PPP1R9A: variants seen among roughly 807,000 people sequenced by gnomAD.
PPP1R9A encodes protein phosphatase 1 regulatory subunit 9A.
In PPP1R9A, 59 loss-of-function variants were observed where a neutral mutation model predicts 141.9. That is an observed-to-expected ratio of 0.42 (90% confidence interval 0.34 to 0.52). The LOEUF is 0.52. Among genes scored for constraint, PPP1R9A ranks in the 20% least tolerant of loss-of-function variants. The pLI is 0.10. For missense variants in PPP1R9A, 1,444 were observed against 1,611.9 expected, an observed-to-expected ratio of 0.90 and a Z score of 1.78; for synonymous variants, 500 against 569.7, an observed-to-expected ratio of 0.88 and a Z score of 1.74.
In PPP1R9A at chr7:94,924,060, G is replaced by A. The variant is rs550847177; in HGVS notation, c.1395+12552G>A. Among the ~76,000 whole-genome samples, 292 of 152,030 alleles carry A rather than the reference G, an allele frequency of 1.9e-3. 2 individuals are homozygous for A. Among genetic ancestry groups the A allele is most frequent in the African/African-American group, 6.6e-3 (274 of 41,422 alleles). ...TTCTAGTAGTGATATATAGATGATT[G>A]TATATAATTATAAGAACTATTTAAA... On this transcript the variant is annotated intron_variant, in intron 2 of 19. Coordinates refer to ENST00000433360, the MANE Select transcript of PPP1R9A (RefSeq NM_001166160.2).
intron 5 of PPP1R9A, among the ~76,000 whole-genome samples, chr7:95,165,783 A>G (rs572397214): frequency 2.8e-4 from 43 of 152,148 alleles, no homozygotes; most frequent in Non-Finnish European, 5.9e-4. Flanking sequence ...TCTTACAGTG[A>G]TTGCTGGGAG....
chr7:95,120,919 T>C (rs1822456698), intron 4 of PPP1R9A, 87 bp downstream of exon 4: 1 of 1,482,878 alleles, frequency 6.7e-7, no homozygotes, highest in African/African-American at 1.4e-5. Context: ...TGCTTTTGTT[T>C]GTTGATTTTT....
intron 5 of PPP1R9A, among the ~76,000 whole-genome samples, chr7:95,177,188 G>T (rs545209870): frequency 5.3e-5 from 8 of 152,122 alleles, no homozygotes; most frequent in African/African-American, 9.7e-5. Flanking sequence ...AACCCTACAA[G>T]CTAGAAGGGA....
intron 7 of PPP1R9A, among the ~76,000 whole-genome samples, chr7:95,208,967 A>ACAAAAAAAAC (rs1563420085): frequency 6.7e-6 from 1 of 149,188 alleles, no homozygotes; most frequent in African/African-American, 2.4e-5. Flanking sequence ...AAAAAAAAAA[A>ACAAAAAAAAC]AAAAAAAAAA....
At chr7:95,153,143 C>T (rs528261036) in intron 4 of PPP1R9A, among the ~76,000 whole-genome samples, 4 of 152,250 alleles carry the variant, frequency 2.6e-5, no homozygotes, top group South Asian at 4.1e-4. Context: ...AGCCACTGCG[C>T]GCCCAGCCTC....
chr7:95,025,759 C>T (rs1266430622), intron 2 of PPP1R9A, among the ~76,000 whole-genome samples: 1 of 152,102 alleles, frequency 6.6e-6, no homozygotes, highest in Non-Finnish European at 1.5e-5. Context: ...TTCTTGGAGG[C>T]TTTATTCATT....
intron 2 of PPP1R9A, among the ~76,000 whole-genome samples, chr7:94,943,062 T>C (rs1795516505): frequency 1.3e-5 from 2 of 152,148 alleles, no homozygotes. Context: ...ATTCATGGAC[T>C]ATTTAGTTAT....
intron 2 of PPP1R9A, among the ~76,000 whole-genome samples, chr7:95,084,209 GA>G (rs1401687755): frequency 6.6e-6 from 1 of 152,000 alleles, no homozygotes; most frequent in East Asian, 1.9e-4. Flanking sequence ...AAAGTTTAGG[GA>G]AAAATTCTGA....
rs187955639 is a variant in PPP1R9A, at chr7:95,030,544, A to G, written c.1396-80715A>G. Among the ~76,000 whole-genome samples, 294 of 152,140 alleles carry G rather than the reference A, an allele frequency of 1.9e-3. 2 individuals are homozygous for G. The highest frequency in any genetic ancestry group is 6.6e-3 in the African/African-American group (273 of 41,538). On this transcript the variant is annotated intron_variant, in intron 2 of 19. Coordinates refer to ENST00000433360, the MANE Select transcript of PPP1R9A (RefSeq NM_001166160.2). The stretch of plus-strand genomic sequence containing the variant: ...ATTGAGATCAGGGAAAGAGACTGAC[A>G]TATACTTTTAGATGTCTGATTTCCT...
intron 8 of PPP1R9A, among the ~76,000 whole-genome samples, chr7:95,239,596 CTG>C (rs781254789): frequency 3.9e-5 from 6 of 151,910 alleles, no homozygotes; most frequent in Non-Finnish European, 7.4e-5. Context: ...ATATTGGAAT[CTG>C]TATTTTTTAC....
chr7:94,949,105 A>G (rs566945452), intron 2 of PPP1R9A, among the ~76,000 whole-genome samples: 4 of 152,240 alleles, frequency 2.6e-5, no homozygotes, highest in East Asian at 1.9e-4. Context: ...AAAACTGACA[A>G]ATGTATTACA....
intron 2 of PPP1R9A, among the ~76,000 whole-genome samples, chr7:95,030,478 C>T (rs1037075094): frequency 6.6e-6 from 1 of 151,992 alleles, no homozygotes; most frequent in Admixed American, 6.6e-5. Flanking sequence ...TGTTGAAAAA[C>T]ATTTTTGTAA....
At chr7:95,247,878 T>G (rs1315481006) in intron 9 of PPP1R9A, among the ~76,000 whole-genome samples, 2 of 152,176 alleles carry the variant, frequency 1.3e-5, no homozygotes, top group Admixed American at 1.3e-4. Flanking sequence ...ACTTACCTTA[T>G]TATAAATAGA....
intron 4 of PPP1R9A, among the ~76,000 whole-genome samples, chr7:95,138,464 A>G (rs975412131): frequency 6.6e-6 from 1 of 152,222 alleles, no homozygotes; most frequent in Non-Finnish European, 1.5e-5. Context: ...AAATCATATT[A>G]AACAAAGATT....
At chr7:95,221,354 G>A (rs1585325165) in intron 7 of PPP1R9A, among the ~76,000 whole-genome samples, 1 of 152,032 alleles carries the variant, frequency 6.6e-6, no homozygotes, top group South Asian at 2.1e-4. Flanking sequence ...ACCAGGACTT[G>A]AACACAGTTC....
chr7:95,249,152 A>G (rs1046790274), intron 9 of PPP1R9A, among the ~76,000 whole-genome samples: 2 of 152,172 alleles, frequency 1.3e-5, no homozygotes, highest in African/African-American at 4.8e-5. Flanking sequence ...AGAAGCAGAA[A>G]AACAAAAAGC....
In PPP1R9A at chr7:94,910,302, C is replaced by T; in HGVS notation, c.189C>T (p.Val63=). 1 of 1,613,962 alleles carries T rather than the reference C, an allele frequency of 6.2e-7. No homozygotes were observed. Among genetic ancestry groups the T allele is most frequent in the Non-Finnish European group, 8.5e-7 (1 of 1,180,002 alleles). The stretch of plus-strand genomic sequence containing the variant: ...GGGGGAGGAAATATGGCTCCAATGT[C>T]AACAGAATTAAAAACCTATTTATGC... ...QSRGRKYGSN[V]NRIKNLFMQM... The change falls in exon 2 of 20, where the codon GTC becomes GTT. Residue 63 remains valine (V), a synonymous_variant. Transcript: ENST00000433360. The surrounding 1 kb of genome is among the most constrained non-coding windows in gnomAD (Gnocchi z 4.5).
Position 95,269,450 on chromosome 7 carries a change from G to T in PPP1R9A, c.3067G>T (p.Val1023Leu), listed in dbSNP as rs1346136920. 1 of 1,591,028 alleles carries T rather than the reference G, an allele frequency of 6.3e-7. No individual in the cohort carries two copies. Residue 1023 changes from valine to leucine, a missense_variant, in exon 14 of 20, where the codon GTG becomes TTG. Coordinates refer to ENST00000433360, the MANE Select transcript of PPP1R9A (RefSeq NM_001166160.2). ...TTCTACTTCAAAGTCTGATCATGAT[G>T]TGGAAGAATCTCCTTGCCATCACCA... ...LFSTSKSDHD[V>L]EESPCHHQTT...
chr7:94,937,451 T>C (rs1794892595), intron 2 of PPP1R9A, among the ~76,000 whole-genome samples: 1 of 152,186 alleles, frequency 6.6e-6, no homozygotes, highest in Non-Finnish European at 1.5e-5. Context: ...AATTTTAAAG[T>C]CTTGGCCTGT....
Sources: gnomAD v4.1 joint callset for allele counts (sites outside exome capture counted in the v4.1 genomes callset) on GRCh38, gnomAD v4.1.1 for gene constraint, Gnocchi (gnomAD v3.1) non-coding constraint, MANE v1.5 for transcripts, NCBI Gene and HGNC (gene_info 2026-07-23, HGNC 2026-07-21) for gene names.